ZNF566: variants seen among roughly 807,000 people sequenced by gnomAD.
ZNF566 encodes the protein zinc finger protein 566.
Under a neutral mutation model 32.8 loss-of-function variants are expected in ZNF566, and 27 were observed. The observed-to-expected ratio is 0.82, with a 90% confidence interval of 0.61 to 1.14. ZNF566 has a LOEUF of 1.14. Ranked by LOEUF, ZNF566 falls within the 50% of genes most tolerant of loss-of-function variation. The pLI, the probability that ZNF566 is intolerant of heterozygous loss-of-function variation, is 0.00. For missense variants in ZNF566, 402 were observed against 490.4 expected (o/e 0.82, Z 1.70); for synonymous variants, 154 against 159.5 (o/e 0.97, Z 0.26).
At chr19:36,480,745 C>CG (rs2145702663) in intron 1 of ZNF566, among the ~76,000 whole-genome samples, 1 of 150,900 alleles carries the variant, frequency 6.6e-6, no homozygotes, top group African/African-American at 2.4e-5. Flanking sequence ...TTAAAAGCTT[C>CG]GGGGCCAGGC....
At chr19:36,451,017 C>A (rs1170575401) in intron 4 of ZNF566, among the ~76,000 whole-genome samples, 1 of 152,186 alleles carries the variant, frequency 6.6e-6, no homozygotes, top group East Asian at 1.9e-4. Context: ...GTAAAATGTG[C>A]ATTTCATTTT....
At chr19:36,475,116 T>G (rs952804671) in intron 2 of ZNF566, among the ~76,000 whole-genome samples, 2 of 152,164 alleles carry the variant, frequency 1.3e-5, no homozygotes, top group African/African-American at 2.4e-5. Context: ...CATGATCACA[T>G]CTCACTGCAG....
chr19:36,488,838 C>T (rs1357256730), intron 1 of ZNF566, among the ~76,000 whole-genome samples: 2 of 152,100 alleles, frequency 1.3e-5, no homozygotes, highest in Admixed American at 1.3e-4. Context: ...GAGAAGTATA[C>T]GTAAGTGATA....
intron 1 of ZNF566, among the ~76,000 whole-genome samples, chr19:36,484,431 T>C (rs1164456206): frequency 5.3e-5 from 8 of 152,068 alleles, no homozygotes; most frequent in East Asian, 1.9e-4. Flanking sequence ...TTCCTTATAG[T>C]AGAATTTAAA....
chr19:36,468,206 T>A (rs947506104), intron 4 of ZNF566, among the ~76,000 whole-genome samples: 1,513 of 141,838 alleles, frequency 0.011, 7 homozygotes, highest in Admixed American at 0.018. Flanking sequence ...AAAAAAAAAA[T>A]TAAAGTTTGA....
chr19:36,464,484 C>T (rs1473647495), intron 4 of ZNF566, among the ~76,000 whole-genome samples: 1 of 152,134 alleles, frequency 6.6e-6, no homozygotes, highest in African/African-American at 2.4e-5. Context: ...GGAAAAATAA[C>T]TGATCTCCAT....
intron 1 of ZNF566, among the ~76,000 whole-genome samples, chr19:36,480,885 CA>C (rs1008640102): frequency 6.7e-6 from 1 of 150,162 alleles, no homozygotes. Context: ...ACTAAAAATA[CA>C]AAAAAAATTA....
intron 1 of ZNF566, among the ~76,000 whole-genome samples, chr19:36,488,272 T>C (rs965365874): frequency 3.9e-5 from 6 of 152,206 alleles, no homozygotes; most frequent in African/African-American, 9.6e-5. Context: ...TGTATGTATT[T>C]ATGGTAGAGT....
chr19:36,488,251 T>A (rs2034220264), intron 1 of ZNF566, among the ~76,000 whole-genome samples: 2 of 152,120 alleles, frequency 1.3e-5, no homozygotes, highest in African/African-American at 2.4e-5. Context: ...GCCCGGCTAA[T>A]TTTTTATGTA....
intron 1 of ZNF566, among the ~76,000 whole-genome samples, chr19:36,485,441 T>C (rs2145713043): frequency 8.2e-6 from 1 of 121,764 alleles, no homozygotes; most frequent in Middle Eastern, 3.9e-3. Flanking sequence ...AGCAAGACCT[T>C]GTCTATTAAA....
At chr19:36,459,503 G>A (rs1171400880) in intron 4 of ZNF566, among the ~76,000 whole-genome samples, 1 of 151,010 alleles carries the variant, frequency 6.6e-6, no homozygotes, top group African/African-American at 2.4e-5. Flanking sequence ...GTGAGCCACC[G>A]CTCCCAGCCT....
chr19:36,460,466 A>G (rs2033434105), intron 4 of ZNF566, among the ~76,000 whole-genome samples: 1 of 152,224 alleles, frequency 6.6e-6, no homozygotes, highest in Admixed American at 6.5e-5. Context: ...TGGAGGTAAT[A>G]AAGTCAATAA....
rs1278991138 is a variant in ZNF566, at chr19:36,473,370, T to C, written c.98A>G (p.Asp33Gly). ...GTTGCTGTAATTCTCCAACATCACA[T>C]CTCTGTATAAATCTCTCTGATCATC... ...LNDDQRDLYR[D>G]VMLENYSNLV... Residue 33 changes from aspartate to glycine, a missense_variant, in exon 3 of 5, where the codon GAT (aspartate) becomes GGT (glycine). Coordinates refer to ENST00000452939, the MANE Select transcript of ZNF566 (RefSeq NM_001145344.1). 2.4e-5 allele frequency: 38 copies of C among 1,613,888 alleles called. No individual in the cohort carries two copies. The highest frequency in any genetic ancestry group is 3.1e-5 in the Non-Finnish European group (36 of 1,179,938).
chr19:36,460,737 C>A (rs2033440958), intron 4 of ZNF566, among the ~76,000 whole-genome samples: 1 of 151,848 alleles, frequency 6.6e-6, no homozygotes, highest in African/African-American at 2.4e-5. Context: ...TAGGATAAAC[C>A]CAAAGAAATC....
chr19:36,487,548 A>C (rs1329986769), intron 1 of ZNF566, among the ~76,000 whole-genome samples: 1 of 152,240 alleles, frequency 6.6e-6, no homozygotes, highest in Non-Finnish European at 1.5e-5. Flanking sequence ...AACATAATAT[A>C]TAACAAAAGA....
chr19:36,446,770 A>G lies in ZNF566; in HGVS notation c.*2207T>C, dbSNP rs973950331. The G allele has an allele frequency of 2.0e-5, 3 of 152,202 alleles. No individual in the cohort carries two copies. Among genetic ancestry groups the G allele is most frequent in the African/African-American group, 7.2e-5 (3 of 41,450 alleles). The allele number at this position is 152,202 out of a possible 1,614,324, so 9.4% of individuals were successfully genotyped here. A position where few individuals can be genotyped will look rare whatever the true frequency, so the allele number is the denominator to read the frequency against. On this transcript the variant is annotated 3_prime_UTR_variant, in exon 5 of 5. Transcript: ENST00000452939. ...TTTTTGCTCACTCTACTTTTCTCAA[A>G]TTTATTATGAAATATTTTACTTCCT...
At chr19:36,488,832 A>C (rs1212327138) in intron 1 of ZNF566, among the ~76,000 whole-genome samples, 1 of 152,198 alleles carries the variant, frequency 6.6e-6, no homozygotes, top group Non-Finnish European at 1.5e-5. Context: ...TGCCTAGAGA[A>C]GTATACGTAA....
At chr19:36,477,526 G>GGTTTTTTTTTT (rs2033919341) in intron 1 of ZNF566, among the ~76,000 whole-genome samples, 1 of 107,000 alleles carries the variant, frequency 9.3e-6, no homozygotes, top group Admixed American at 8.9e-5. Flanking sequence ...TTCTGTTTCT[G>GGTTTTTTTTTT]TTTTTTTTTT....
chr19:36,483,499 C>T (rs957996346), intron 1 of ZNF566, among the ~76,000 whole-genome samples: 1 of 151,774 alleles, frequency 6.6e-6, no homozygotes, highest in African/African-American at 2.4e-5. Flanking sequence ...TCCCAGAAAG[C>T]GGGGTTGGGG....
Sources: gnomAD v4.1 joint callset for allele counts (sites outside exome capture counted in the v4.1 genomes callset) on GRCh38, gnomAD v4.1.1 for gene constraint, MANE v1.5 for transcripts, NCBI Gene and HGNC (gene_info 2026-07-23, HGNC 2026-07-21) for gene names.